Variants in ZDHHC7 observed in about 807,000 individuals in gnomAD.
ZDHHC7 encodes palmitoyltransferase ZDHHC7.
Under a neutral mutation model 34.1 loss-of-function variants are expected in ZDHHC7, and 12 were observed. That is an observed-to-expected ratio of 0.35 (90% confidence interval 0.23 to 0.57). The LOEUF (loss-of-function observed/expected upper bound fraction) is 0.57. Among genes scored for constraint, ZDHHC7 ranks in the 20% least tolerant of loss-of-function variants. The probability of loss-of-function intolerance (pLI) is 0.84; values close to 1 mark genes in which losing one functional copy is unlikely to be tolerated. For missense variants in ZDHHC7, 388 were observed against 402.7 expected, an observed-to-expected ratio of 0.96 and a Z score of 0.31; for synonymous variants, 185 against 155.4, an observed-to-expected ratio of 1.19 and a Z score of -1.42.
At chr16:85,016,075 G>A (rs973128578), upstream of ZDHHC7, among the ~76,000 whole-genome samples, 1 of 152,144 alleles carries the variant, frequency 6.6e-6, no homozygotes, top group Admixed American at 6.6e-5. Flanking sequence ...CCACGTCATG[G>A]CCTAAACTAG....
In ZDHHC7 at chr16:84,990,366, T is replaced by G; in HGVS notation, c.253A>C (p.Ile85Leu). ...GCAAGCACGGCCAAGCAGTTAAAGATGACCCCGTTGACCACAGAGTACCAG... is the reference window on the plus strand; with the variant it reads ...GCAAGCACGGCCAAGCAGTTAAAGAGGACCCCGTTGACCACAGAGTACCAG... ...DFWYSVVNGV[I>L]FNCLAVLALS... is the part of the protein sequence containing the mutation. The change falls in exon 3 of 8, where the codon ATC (isoleucine) becomes CTC (leucine). Residue 85 changes from isoleucine to leucine, a missense_variant. Ile to Leu is a conservative substitution (Grantham distance 5). Coordinates refer to ENST00000313732, the MANE Select transcript of ZDHHC7 (RefSeq NM_017740.3). The G allele has an allele frequency of 6.2e-7, 1 of 1,614,104 alleles. No individual in the cohort carries two copies. Among genetic ancestry groups the G allele is most frequent in the Non-Finnish European group, 8.5e-7 (1 of 1,180,020 alleles).
chr16:84,982,246 G>A, intron 3 of ZDHHC7: 1 of 341,108 alleles, frequency 2.9e-6, no homozygotes, highest in Non-Finnish European at 5.6e-6. Context: ...TTAGGAGGCT[G>A]AGGCAGGAGA....
At chr16:84,981,246 G>A (rs1216048784) in intron 4 of ZDHHC7, among the ~76,000 whole-genome samples, 3 of 152,204 alleles carry the variant, frequency 2.0e-5, no homozygotes, top group African/African-American at 4.8e-5. Flanking sequence ...TGAGGTGTGA[G>A]GGCCAGGAAG....
intron 1 of ZDHHC7, among the ~76,000 whole-genome samples, chr16:85,004,195 A>G (rs1380388419): frequency 1.3e-5 from 2 of 151,420 alleles, no homozygotes; most frequent in East Asian, 1.9e-4. Flanking sequence ...ACCACACCCA[A>G]AAAAAAAGGC....
At chr16:85,015,463 G>A (rs1316271465), upstream of ZDHHC7, among the ~76,000 whole-genome samples, 2 of 152,086 alleles carry the variant, frequency 1.3e-5, no homozygotes, top group Non-Finnish European at 2.9e-5. Context: ...CCTGGATCAA[G>A]AAAAACACCT....
Position 84,977,975 on chromosome 16 carries a change from G to C in ZDHHC7, c.568C>G (p.Leu190Val), listed in dbSNP as rs754472871. Residue 190 changes from leucine to valine, a missense_variant, in exon 6 of 8, where the codon CTG becomes GTG. Physicochemically the swap from Leu to Val is conservative, Grantham distance 32. Transcript: ENST00000313732. ...ATGAACTGAAATCCACAAAGGATCA[G>C]AGCATGGACTGAAGACAGAGCTATA... is the stretch of plus-strand genomic sequence containing the variant. ...MYIALSSVHALILCGFQFISC... is the reference protein window; with the variant it reads ...MYIALSSVHAVILCGFQFISC... 1.1e-5 allele frequency: 18 copies of C among 1,613,988 alleles called. No homozygotes were observed. Among genetic ancestry groups the C allele is most frequent in the Non-Finnish European group, 1.5e-5 (18 of 1,179,958 alleles).
intron 3 of ZDHHC7, among the ~76,000 whole-genome samples, chr16:84,985,492 G>T (rs1425656542): frequency 6.6e-6 from 1 of 152,164 alleles, no homozygotes; most frequent in Non-Finnish European, 1.5e-5. Context: ...CCAGTACAGG[G>T]ATGTAAACTG....
chr16:84,987,744 G>C (rs1484170577), intron 3 of ZDHHC7, among the ~76,000 whole-genome samples: 1 of 152,220 alleles, frequency 6.6e-6, no homozygotes, highest in Non-Finnish European at 1.5e-5. Context: ...GGTCCGGCCA[G>C]AGCATGGAAT....
Position 84,981,988 on chromosome 16 carries a change from C to G in ZDHHC7, c.322G>C (p.Val108Leu), listed in dbSNP as rs994257470. Residue 108 changes from valine to leucine, a missense_variant, in exon 4 of 8, where the codon GTA (valine) becomes CTA (leucine). Coordinates refer to ENST00000313732, the MANE Select transcript of ZDHHC7 (RefSeq NM_017740.3). Reference sequence around the variant, plus strand: ...TCTTTCGTAGCGTTTCCTTTGGGTACTGCCCCCTACCATATAAGAAGAATG... The same window carrying G: ...TCTTTCGTAGCGTTTCCTTTGGGTAGTGCCCCCTACCATATAAGAAGAATG... ...LRTMLTDPGA[V>L]PKGNATKEYM... 3 of 1,614,104 alleles carry G rather than the reference C, an allele frequency of 1.9e-6. No homozygotes were observed. Among genetic ancestry groups the G allele is most frequent in the Non-Finnish European group, 1.7e-6 (2 of 1,179,992 alleles).
chr16:84,980,666 TCCC>T (rs576045752), intron 4 of ZDHHC7, among the ~76,000 whole-genome samples: 1 of 151,812 alleles, frequency 6.6e-6, no homozygotes, highest in East Asian at 1.9e-4. Flanking sequence ...CAAGACTCCA[TCCC>T]CCCATCCCCA....
At chr16:85,001,766 G>A (rs75684336) in intron 1 of ZDHHC7, among the ~76,000 whole-genome samples, 7,763 of 152,172 alleles carry the variant, frequency 0.051, 325 homozygotes, top group East Asian at 0.18. Context: ...TATTCAAGAT[G>A]GGATCTTGCT....
At position 85,004,505 on chromosome 16, in the gene ZDHHC7, G is replaced by T. The variant is rs139609384; in HGVS notation, c.-104+6781C>A. On this transcript the variant is annotated intron_variant, in intron 1 of 7. Coordinates refer to ENST00000313732, the MANE Select transcript of ZDHHC7 (RefSeq NM_017740.3). ...CCCTCCCTAAGCTCATGCAATCACT[G>T]CCTTTTCAGTGCGAATAAAATCCCA... Among the ~76,000 whole-genome samples the T allele has an allele frequency of 3.1e-3, 468 of 151,988 alleles. 2 individuals carry two copies. The highest frequency in any genetic ancestry group is 0.011 in the African/African-American group (449 of 41,426).
upstream of ZDHHC7, among the ~76,000 whole-genome samples, chr16:85,013,775 T>C (rs8059505): frequency 0.41 from 61,685 of 151,860 alleles, 13,724 homozygotes; most frequent in African/African-American, 0.6. Flanking sequence ...TGCAACCTCA[T>C]CTCCTGGGTT....
At chr16:85,013,686 T>TTTTTG (rs1359500279), upstream of ZDHHC7, among the ~76,000 whole-genome samples, 7 of 152,042 alleles carry the variant, frequency 4.6e-5, no homozygotes, top group Admixed American at 4.6e-4. Context: ...AATTTGTGTT[T>TTTTTG]TTTTGTTTTG....
At chr16:84,989,694 CAAAAAAAA>C (rs35823318) in intron 3 of ZDHHC7, among the ~76,000 whole-genome samples, 14 of 96,476 alleles carry the variant, frequency 1.5e-4, no homozygotes, top group Admixed American at 5.5e-4. Flanking sequence ...AACTCCGTCT[CAAAAAAAA>C]AAAAAAAAAA....
At chr16:85,012,726 G>A (rs542257337), upstream of ZDHHC7, among the ~76,000 whole-genome samples, 2 of 152,070 alleles carry the variant, frequency 1.3e-5, no homozygotes, top group East Asian at 1.9e-4. Context: ...TCAACGTGGC[G>A]AAACCCCATC....
the ZDHHC7 span, among the ~76,000 whole-genome samples, chr16:85,021,170 T>C: frequency 2.0e-5 from 3 of 151,780 alleles, no homozygotes; most frequent in Admixed American, 1.3e-4. Context: ...TCCCAGCACT[T>C]TGGGAGGCCG....
chr16:85,010,808 G>C (rs1292402604), intron 1 of ZDHHC7, among the ~76,000 whole-genome samples: 2 of 152,244 alleles, frequency 1.3e-5, no homozygotes, highest in Non-Finnish European at 2.9e-5. Flanking sequence ...CTGACGTGGA[G>C]CAGGAGGGAA....
At chr16:85,016,563 C>T in the ZDHHC7 span, among the ~76,000 whole-genome samples, 2 of 151,866 alleles carry the variant, frequency 1.3e-5, no homozygotes, top group Non-Finnish European at 2.9e-5. Flanking sequence ...TCAAGTGATC[C>T]TTTGCCTCAG....
Sources: gnomAD v4.1 joint callset for allele counts (sites outside exome capture counted in the v4.1 genomes callset) on GRCh38, gnomAD v4.1.1 for gene constraint, MANE v1.5 for transcripts, NCBI Gene and HGNC (gene_info 2026-07-23, HGNC 2026-07-21) for gene names.